POGLUT1: variants seen among roughly 807,000 people sequenced by gnomAD.
The protein encoded by POGLUT1 is 9630046K23Rik.
POGLUT1 carries 32 observed loss-of-function variants against 61.3 expected under a neutral mutation model. The observed-to-expected ratio is 0.52, with a 90% CI of 0.39 to 0.70. POGLUT1 has a LOEUF of 0.70. Among genes scored for constraint, POGLUT1 ranks in the 30% least tolerant of loss-of-function variants. The probability of loss-of-function intolerance (pLI) is 0.00; values close to 1 mark genes in which losing one functional copy is unlikely to be tolerated. For synonymous variants in POGLUT1, 158 were observed against 158.2 expected, an observed-to-expected ratio of 1.00 and a Z score of 0.01; for missense variants, 411 against 469.8, an observed-to-expected ratio of 0.87 and a Z score of 1.16.
At chr3:119,489,420 CCT>C (rs2081711900) in intron 8 of POGLUT1, 1 of 153,532 alleles carries the variant, frequency 6.5e-6, no homozygotes, top group Non-Finnish European at 1.4e-5. Flanking sequence ...ATAGTGAGAC[CCT>C]GTCTCTAAGA....
chr3:119,478,262 G>A (rs1034212442), intron 4 of POGLUT1: 3 of 435,072 alleles, frequency 6.9e-6, no homozygotes, highest in African/African-American at 6.2e-5. Context: ...CACTATTTCT[G>A]ATTTGGTTTG....
intron 2 of POGLUT1, among the ~76,000 whole-genome samples, 197 bp downstream of exon 2, chr3:119,470,107 C>G (rs978686495): frequency 2.2e-4 from 34 of 152,206 alleles, no homozygotes; most frequent in African/African-American, 8.0e-4. Flanking sequence ...GGATTCAGTG[C>G]ATGTGCATCT....
chr3:119,484,180 G>A (rs2081638055), intron 5 of POGLUT1, among the ~76,000 whole-genome samples: 1 of 152,208 alleles, frequency 6.6e-6, no homozygotes, highest in Admixed American at 6.5e-5. Flanking sequence ...CACGTTGGCT[G>A]AGGGTGGAGG....
At chr3:119,484,198 G>T (rs1326693363) in intron 5 of POGLUT1, among the ~76,000 whole-genome samples, 1 of 152,154 alleles carries the variant, frequency 6.6e-6, no homozygotes, top group Non-Finnish European at 1.5e-5. Context: ...AGGTCTGAGG[G>T]CCTGGAAAAT....
chr3:119,484,253 T>A (rs1327162126), intron 5 of POGLUT1, among the ~76,000 whole-genome samples: 3 of 152,168 alleles, frequency 2.0e-5, no homozygotes, highest in Non-Finnish European at 4.4e-5. Context: ...AGCATGACAT[T>A]ATATGTATCT....
intron 1 of POGLUT1, chr3:119,469,397 C>T: frequency 1.8e-6 from 1 of 567,750 alleles, no homozygotes; most frequent in Admixed American, 3.2e-5. Flanking sequence ...TCTGGACCTG[C>T]CTGAAACACT....
At chr3:119,469,778 C>T in intron 1 of POGLUT1, 42 bp from the exon 2 acceptor site, 1 of 1,057,236 alleles carries the variant, frequency 9.5e-7, no homozygotes, top group Non-Finnish European at 1.5e-6. Flanking sequence ...AAATAACATT[C>T]AGGAAAATTT....
intron 2 of POGLUT1, 92 bp from the exon 3 acceptor site, chr3:119,471,217 C>A (rs891418349): frequency 3.6e-6 from 4 of 1,123,134 alleles, no homozygotes; most frequent in Non-Finnish European, 5.3e-6. Context: ...TTACTGTGTT[C>A]TCTAATACGA....
chr3:119,469,703 G>T, intron 1 of POGLUT1, 117 bp from the exon 2 acceptor site: 1 of 633,392 alleles, frequency 1.6e-6, no homozygotes. Flanking sequence ...GTTTCCATCA[G>T]TGGGATGGGA....
rs1363849086 is a variant in POGLUT1 at position 119,493,456 on chromosome 3, T to A, written c.*1018T>A. The stretch of plus-strand genomic sequence containing the variant: ...TGAAAAAGATGTTTTGGGTAGTAGT[T>A]TAATATCTCAGGGTGCTCTTTCTAA... On this transcript the variant is annotated 3_prime_UTR_variant, in exon 11 of 11. Transcript: ENST00000295588. 2 of 152,178 alleles carry A rather than the reference T, an allele frequency of 1.3e-5. No homozygotes were observed. The highest frequency in any genetic ancestry group is 1.5e-5 in the Non-Finnish European group (1 of 68,030). 9.4% of individuals were successfully genotyped at this position (152,178 alleles called of 1,614,324 possible).
Position 119,486,888 on chromosome 3 carries a change from G to T in POGLUT1, c.694G>T (p.Val232Phe). The T allele has an allele frequency of 6.2e-7, 1 of 1,613,888 alleles. No homozygotes were observed. The highest frequency in any genetic ancestry group is 8.5e-7 in the Non-Finnish European group (1 of 1,179,822). The change falls in exon 7 of 11, where the codon GTT becomes TTT. Residue 232 changes from valine (V) to phenylalanine (F), a missense_variant. Val to Phe is a conservative substitution (Grantham distance 50, BLOSUM62 -1). Coordinates refer to ENST00000295588, the MANE Select transcript of POGLUT1 (RefSeq NM_152305.3). Reference protein sequence around the residue: ...ILLSRKNPKLVDAEYTKNQAW... With the variant: ...ILLSRKNPKLFDAEYTKNQAW... Reference sequence around the variant, plus strand: ...TCTGTCTCGGAAAAACCCAAAACTTGTTGATGCAGAATACACCAAAAACCA... The same window carrying T: ...TCTGTCTCGGAAAAACCCAAAACTTTTTGATGCAGAATACACCAAAAACCA...
chr3:119,478,307 C>T lies in POGLUT1; in HGVS notation c.456+859C>T, dbSNP rs1284031675. ...GAGGGACCTTTTATCCCCACTTTTT[C>T]TTTATCATAGTTTACTTTCTCCCTA... On this transcript the variant is annotated intron_variant, in intron 4 of 10. Coordinates refer to ENST00000295588, the MANE Select transcript of POGLUT1 (RefSeq NM_152305.3). 4 of 452,658 alleles carry T rather than the reference C, an allele frequency of 8.8e-6. No individual in the cohort carries two copies. In the East Asian group the frequency reaches 2.1e-4, roughly 24 times the overall value. The allele number at this position is 452,658 out of a possible 1,614,324, so 28.0% of individuals were successfully genotyped here.
intron 5 of POGLUT1, among the ~76,000 whole-genome samples, chr3:119,480,664 T>C (rs2081595555): frequency 6.6e-6 from 1 of 152,186 alleles, no homozygotes; most frequent in Non-Finnish European, 1.5e-5. Flanking sequence ...GGCAGAATAG[T>C]CTATCCTAAA....
At chr3:119,475,877 T>TTACTAAGGCTGAGG (rs1176557786) in intron 3 of POGLUT1, among the ~76,000 whole-genome samples, 1 of 151,124 alleles carries the variant, frequency 6.6e-6, no homozygotes, top group Non-Finnish European at 1.5e-5. Flanking sequence ...TCCCAGCACT[T>TTACTAAGGCTGAGG]TGGGAGGCTG....
At chr3:119,472,307 T>C (rs1040260959) in intron 3 of POGLUT1, among the ~76,000 whole-genome samples, 2 of 152,134 alleles carry the variant, frequency 1.3e-5, no homozygotes, top group Admixed American at 1.3e-4. Flanking sequence ...CCCTATTCTG[T>C]CATTAAAAGT....
At chr3:119,484,166 G>A (rs1274986734) in intron 5 of POGLUT1, among the ~76,000 whole-genome samples, 1 of 152,198 alleles carries the variant, frequency 6.6e-6, no homozygotes, top group Non-Finnish European at 1.5e-5. Context: ...GCCAGAGGAT[G>A]AGCCACGTTG....
chr3:119,489,063 T>A, intron 8 of POGLUT1, 76 bp downstream of exon 8: 1 of 779,282 alleles, frequency 1.3e-6, no homozygotes, highest in Non-Finnish European at 2.2e-6. Context: ...GTGAGAACTT[T>A]AATATAAAGG....
At chr3:119,486,203 T>C (rs7650774) in intron 6 of POGLUT1, among the ~76,000 whole-genome samples, 23,641 of 152,124 alleles carry the variant, frequency 0.16, 1,965 homozygotes, top group East Asian at 0.33. Context: ...TTCAAGAGTT[T>C]TAGGACTCCC....
chr3:119,475,680 G>T (rs572234762), intron 3 of POGLUT1, among the ~76,000 whole-genome samples: 1 of 151,996 alleles, frequency 6.6e-6, no homozygotes, highest in Non-Finnish European at 1.5e-5. Flanking sequence ...GGGCATGGTG[G>T]CCTGTGCCTG....
Sources: gnomAD v4.1 joint callset for allele counts (sites outside exome capture counted in the v4.1 genomes callset) on GRCh38, gnomAD v4.1.1 for gene constraint, MANE v1.5 for transcripts, NCBI Gene and HGNC (gene_info 2026-07-23, HGNC 2026-07-21) for gene names.